Variants in PTPRO observed in about 807,000 individuals in gnomAD.
PTPRO encodes the protein protein tyrosine phosphatase receptor type O, also known as receptor-type tyrosine-protein phosphatase O.
A neutral mutation model predicts 145.2 loss-of-function variants in PTPRO; 62 were observed. That is an observed-to-expected ratio of 0.43 (90% confidence interval 0.35 to 0.53). The LOEUF is 0.53. Among genes scored for constraint, PTPRO ranks in the 20% least tolerant of loss-of-function variants. PTPRO has a pLI of 0.01. For synonymous variants in PTPRO, 565 were observed against 514.7 expected, an observed-to-expected ratio of 1.10 and a Z score of -1.32; for missense variants, 1,345 against 1,482.7, an observed-to-expected ratio of 0.91 and a Z score of 1.53.
chr12:15,352,649 CAAAAAAAAA>C (rs71042243), intron 1 of PTPRO, among the ~76,000 whole-genome samples: 7 of 100,416 alleles, frequency 7.0e-5, no homozygotes, highest in African/African-American at 1.6e-4. Flanking sequence ...GACTCTGTCT[CAAAAAAAAA>C]AAAAAAAAAA....
intron 19 of PTPRO, among the ~76,000 whole-genome samples, chr12:15,575,262 C>T (rs1180441781): frequency 2.0e-5 from 3 of 152,308 alleles, no homozygotes; most frequent in Non-Finnish European, 4.4e-5. Context: ...GAGCACTTCC[C>T]ACTGGCAGCT....
intron 1 of PTPRO, among the ~76,000 whole-genome samples, chr12:15,402,389 GAA>G (rs916295955): frequency 7.3e-6 from 1 of 137,922 alleles, no homozygotes; most frequent in Non-Finnish European, 1.6e-5. Flanking sequence ...TCCATTTCAA[GAA>G]AAAAAAAAAA....
chr12:15,467,761 G>C (rs1436535555), intron 1 of PTPRO, among the ~76,000 whole-genome samples: 1 of 152,106 alleles, frequency 6.6e-6, no homozygotes, highest in Non-Finnish European at 1.5e-5. Flanking sequence ...TCTTCCCTCA[G>C]GAGCCAACTT....
At chr12:15,515,987 GTTTTGTTTTT>G (rs1227311998) in intron 8 of PTPRO, among the ~76,000 whole-genome samples, 1 of 80,662 alleles carries the variant, frequency 1.2e-5, no homozygotes, top group African/African-American at 5.4e-5. Flanking sequence ...TTTTTTTTTT[GTTTTGTTTTT>G]TTTTTTTTTT....
At chr12:15,496,735 T>A (rs1942115254) in intron 2 of PTPRO, among the ~76,000 whole-genome samples, 1 of 152,192 alleles carries the variant, frequency 6.6e-6, no homozygotes, top group South Asian at 2.1e-4. Flanking sequence ...ATACTTCATA[T>A]GGAAAAATAA....
At chr12:15,389,652 C>G (rs1939134175) in intron 1 of PTPRO, among the ~76,000 whole-genome samples, 1 of 152,114 alleles carries the variant, frequency 6.6e-6, no homozygotes, top group African/African-American at 2.4e-5. Context: ...TCACCCAATC[C>G]CATCCTTTCA....
chr12:15,506,588 C>CAG (rs1386525443), intron 6 of PTPRO, among the ~76,000 whole-genome samples: 2 of 151,928 alleles, frequency 1.3e-5, no homozygotes, highest in Non-Finnish European at 2.9e-5. Context: ...GGTGGCAGGA[C>CAG]AGAGAGAGAG....
intron 1 of PTPRO, among the ~76,000 whole-genome samples, chr12:15,385,382 C>T (rs900033022): frequency 1.3e-5 from 2 of 152,090 alleles, no homozygotes; most frequent in African/African-American, 4.8e-5. Context: ...TTGATGCCAG[C>T]ACAAAGCAGG....
chr12:15,586,134 CTG>C (rs1944425122), intron 23 of PTPRO, among the ~76,000 whole-genome samples: 3 of 152,198 alleles, frequency 2.0e-5, no homozygotes, highest in African/African-American at 7.2e-5. Context: ...TATGAGAAAA[CTG>C]AAGCTCAGTG....
intron 7 of PTPRO, among the ~76,000 whole-genome samples, chr12:15,512,099 G>GTC: frequency 6.6e-6 from 1 of 150,876 alleles, no homozygotes; most frequent in Non-Finnish European, 1.5e-5. Flanking sequence ...ATGGAGCAAT[G>GTC]TTTTTTTGTT....
At chr12:15,361,266 T>C (rs1324034489) in intron 1 of PTPRO, among the ~76,000 whole-genome samples, 1 of 151,092 alleles carries the variant, frequency 6.6e-6, no homozygotes, top group Non-Finnish European at 1.5e-5. Flanking sequence ...TGAAAACCCA[T>C]CTTTACTAAA....
chr12:15,583,998 G>A (rs540205700), intron 23 of PTPRO, among the ~76,000 whole-genome samples: 2 of 152,304 alleles, frequency 1.3e-5, no homozygotes, highest in African/African-American at 4.8e-5. Flanking sequence ...TTACTCAAAT[G>A]CAGAGTTTCA....
intron 26 of PTPRO, 98 bp downstream of exon 26, chr12:15,595,155 A>ACT: frequency 1.3e-6 from 1 of 792,690 alleles, no homozygotes; most frequent in Non-Finnish European, 2.1e-6. Flanking sequence ...ATTTGTATTG[A>ACT]CTCTGACTTC....
Position 15,497,364 on chromosome 12 carries a change from T to C in PTPRO, c.469T>C (p.Tyr157His). ...YNVFTRVNIS[Y>H]WEGKDFRTML... is the part of the protein sequence containing the mutation. Reference sequence around the variant, plus strand: ...CGTTTTCACAAGAGTGAACATTAGCTACTGGGAAGGTAAAGACTTCCGGAC... The same window carrying C: ...CGTTTTCACAAGAGTGAACATTAGCCACTGGGAAGGTAAAGACTTCCGGAC... The change falls in exon 3 of 27, where the codon TAC becomes CAC. Residue 157 changes from tyrosine (Y) to histidine (H), a missense_variant. By Grantham distance (83) the Tyr-to-His change is moderately conservative. Coordinates refer to ENST00000281171, the MANE Select transcript of PTPRO (RefSeq NM_030667.3). The C allele has an allele frequency of 6.2e-7, 1 of 1,613,466 alleles. No homozygotes were observed. Among genetic ancestry groups the C allele is most frequent in the Non-Finnish European group, 8.5e-7 (1 of 1,179,564 alleles).
At chr12:15,549,582 C>G (rs1943398930) in intron 14 of PTPRO, among the ~76,000 whole-genome samples, 1 of 152,134 alleles carries the variant, frequency 6.6e-6, no homozygotes. Context: ...ATCTATTTAG[C>G]CTTGGTCTTC....
chr12:15,550,539 T>G (rs904664445), intron 14 of PTPRO, among the ~76,000 whole-genome samples: 1 of 152,218 alleles, frequency 6.6e-6, no homozygotes, highest in Non-Finnish European at 1.5e-5. Context: ...GTGATATTAT[T>G]AAACTTATTT....
chr12:15,349,246 A>G (rs1217469569), intron 1 of PTPRO, among the ~76,000 whole-genome samples: 1 of 152,024 alleles, frequency 6.6e-6, no homozygotes, highest in Non-Finnish European at 1.5e-5. Context: ...TAAGTAATAA[A>G]TACTAGTTTT....
rs547973302 is a variant in PTPRO, at chr12:15,548,520, GTA to G, written c.2305-566_2305-565del. The stretch of plus-strand genomic sequence containing the variant: ...GCATATATTGTGTGTATATATGTGT[GTA>G]TATATATGTGTGTGTGTGTGTGTGT... On this transcript the variant is annotated intron_variant, in intron 13 of 26. Coordinates refer to ENST00000281171, the MANE Select transcript of PTPRO (RefSeq NM_030667.3). Among the ~76,000 whole-genome samples the G allele has an allele frequency of 1.5e-3, 211 of 139,804 alleles. 2 individuals carry two copies. In the East Asian group the frequency reaches 0.04, roughly 26 times the overall value. 91.7% of individuals were successfully genotyped at this position (139,804 alleles called of 152,430 possible). A position where few individuals can be genotyped will look rare whatever the true frequency, so the allele number is the denominator to read the frequency against.
chr12:15,444,351 T>TG (rs1224779913), intron 1 of PTPRO, among the ~76,000 whole-genome samples: 22 of 151,444 alleles, frequency 1.5e-4, no homozygotes, highest in Non-Finnish European at 3.1e-4. Flanking sequence ...AGGGAGAGGG[T>TG]GGGGCAAGGT....
Sources: allele counts gnomAD v4.1 joint callset (sites outside exome capture counted in the v4.1 genomes callset), GRCh38; gene constraint gnomAD v4.1.1; transcripts MANE v1.5; gene names NCBI Gene and HGNC (gene_info 2026-07-23, HGNC 2026-07-21).